MS4A6E: variants seen among roughly 807,000 people sequenced by gnomAD.
The protein encoded by MS4A6E is membrane spanning 4-domains A6E, also known as membrane-spanning 4-domains subfamily A member 6E.
In MS4A6E, 8 loss-of-function variants were observed where a neutral mutation model predicts 13.2. That is an observed-to-expected ratio of 0.60 (90% CI 0.35 to 1.09). The LOEUF (loss-of-function observed/expected upper bound fraction) is 1.09. MS4A6E is among the 50% of genes least tolerant of loss of function. The pLI, the probability that MS4A6E is intolerant of heterozygous loss-of-function variation, is 0.02. For missense variants in MS4A6E, 177 were observed against 171.1 expected, an observed-to-expected ratio of 1.03 and a Z score of -0.19; for synonymous variants, 72 against 67.6, an observed-to-expected ratio of 1.06 and a Z score of -0.32.
chr11:60,344,019 GAGTT>G (rs547395260), downstream of MS4A6E, among the ~76,000 whole-genome samples: 21 of 152,292 alleles, frequency 1.4e-4, no homozygotes, highest in Middle Eastern at 3.4e-3. Flanking sequence ...CTATTTCTTG[GAGTT>G]GGGCTTTTGC....
rs1307425703 is a variant in MS4A6E at position 60,339,891 on chromosome 11, C to G, written c.380C>G (p.Ser127Cys). The G allele has an allele frequency of 3.7e-6, 6 of 1,613,684 alleles. No individual in the cohort carries two copies. The highest frequency in any genetic ancestry group is 5.1e-6 in the Non-Finnish European group (6 of 1,179,794). Residue 127 changes from serine to cysteine, a missense_variant, in exon 4 of 5, where the codon TCT (serine) becomes TGT (cysteine). Ser to Cys is a moderately radical substitution (Grantham distance 112, BLOSUM62 -1). Transcript: ENST00000684409. ...GGAACTCTGTCTCTGATGCTGGTTT[C>G]TACTGTGTTGGAGTTCTGCCTAGCT... is the stretch of plus-strand genomic sequence containing the variant. ...LAGTLSLMLV[S>C]TVLEFCLAVL...
rs11230265 is a variant in MS4A6E at position 60,327,346 on chromosome 11, C to A, written c.-77C>A. Among the ~76,000 whole-genome samples the A allele has an allele frequency of 1.3e-5, 2 of 152,056 alleles. No individual in the cohort carries two copies. Among genetic ancestry groups the A allele is most frequent in the Admixed American group, 6.5e-5 (1 of 15,274 alleles). ...AAGATACCATCTTGGAAGCAAGCAA[C>A]GTGACCCTAAGTAGATGCTGAACCT... On this transcript the variant is annotated 5_prime_UTR_variant, in exon 1 of 5. Coordinates refer to ENST00000684409, the MANE Select transcript of MS4A6E (RefSeq NM_139249.4).
chr11:60,328,558 C>T (rs1020682440), intron 1 of MS4A6E, among the ~76,000 whole-genome samples: 1 of 147,888 alleles, frequency 6.8e-6, no homozygotes, highest in African/African-American at 2.5e-5. Flanking sequence ...CACACACACA[C>T]TCATATAATT....
chr11:60,336,899 C>T (rs537418705), intron 2 of MS4A6E, among the ~76,000 whole-genome samples: 2 of 152,216 alleles, frequency 1.3e-5, no homozygotes, highest in South Asian at 4.1e-4. Flanking sequence ...TTTATTTCCT[C>T]CACTTCATAA....
At chr11:60,335,559 G>T in intron 2 of MS4A6E, 1 of 455,938 alleles carries the variant, frequency 2.2e-6, no homozygotes, top group Non-Finnish European at 4.4e-6. Flanking sequence ...ATTGCATGAA[G>T]GGAGGAGAGA....
intron 1 of MS4A6E, among the ~76,000 whole-genome samples, chr11:60,329,138 C>A (rs1041996217): frequency 4.0e-5 from 6 of 151,420 alleles, no homozygotes; most frequent in African/African-American, 1.5e-4. Flanking sequence ...TGCTATCCCT[C>A]CCCTTGCCCC....
chr11:60,345,451 G>A (rs1590778842), downstream of MS4A6E, among the ~76,000 whole-genome samples: 5 of 152,310 alleles, frequency 3.3e-5, no homozygotes, highest in Admixed American at 3.3e-4. Flanking sequence ...GTCATTTAGA[G>A]TGGCTACTGC....
intron 1 of MS4A6E, among the ~76,000 whole-genome samples, chr11:60,332,698 T>C (rs1194617045): frequency 6.6e-6 from 1 of 152,204 alleles, no homozygotes; most frequent in African/African-American, 2.4e-5. Context: ...GTCAAAACCA[T>C]AAAACTGCTC....
chr11:60,329,148 C>T (rs1029840774), intron 1 of MS4A6E, among the ~76,000 whole-genome samples: 4 of 151,670 alleles, frequency 2.6e-5, no homozygotes, highest in African/African-American at 9.7e-5. Flanking sequence ...CCCCTTGCCC[C>T]CCACCCCCCG....
At position 60,339,837 on chromosome 11, in the gene MS4A6E, T is replaced by A. The variant is rs369438680; in HGVS notation, c.355-29T>A. On this transcript the variant is annotated intron_variant, in intron 3 of 4. Coordinates refer to ENST00000684409, the MANE Select transcript of MS4A6E (RefSeq NM_139249.4). ...ATGAAAGCTTCGGCTGACCCAAGCATCACTGATATTTTATTTCTTGACTTT... is the reference window on the plus strand; with the variant it reads ...ATGAAAGCTTCGGCTGACCCAAGCAACACTGATATTTTATTTCTTGACTTT... 200 of 1,600,966 alleles carry A rather than the reference T, an allele frequency of 1.2e-4. 1 individual carries two copies. The South Asian group carries it at 1.8e-3, about 14-fold the overall frequency.
At chr11:60,330,532 C>T (rs150591393) in intron 1 of MS4A6E, among the ~76,000 whole-genome samples, 192 of 151,426 alleles carry the variant, frequency 1.3e-3, no homozygotes, top group African/African-American at 4.1e-3. Context: ...TTAGTAGAGA[C>T]GGGGTTTCAC....
chr11:60,348,305 C>T (rs935131364), intron 4 of MS4A6E, among the ~76,000 whole-genome samples: 2 of 152,168 alleles, frequency 1.3e-5, no homozygotes, highest in Non-Finnish European at 2.9e-5. Flanking sequence ...TCTTATTCCA[C>T]TGGGTGATGC....
Position 60,339,934 on chromosome 11 carries a change from G to A in MS4A6E, c.423G>A (p.Leu141=), listed in dbSNP as rs765423311. The change falls in exon 4 of 5, where the codon CTG becomes CTA. Residue 141 remains leucine (L), a synonymous_variant. Transcript: ENST00000684409. The part of the protein sequence containing the change: ...EFCLAVLTAV[L]QWKQTV The stretch of plus-strand genomic sequence containing the variant: ...GCCTAGCTGTGCTCACTGCTGTGCT[G>A]CAGTGGAAACAGACTGTCTGACTTC... 7 of 1,613,774 alleles carry A rather than the reference G, an allele frequency of 4.3e-6. No homozygotes were observed. Among genetic ancestry groups the A allele is most frequent in the Middle Eastern group, 3.3e-4 (2 of 6,062 alleles).
rs961954492 is a variant in MS4A6E, at chr11:60,338,001, G to A, written c.354+54G>A. 18 of 1,541,822 alleles carry A rather than the reference G, an allele frequency of 1.2e-5. No homozygotes were observed. In the African/African-American group the frequency reaches 2.1e-4, roughly 18 times the overall value. ...ATTTTATGAGGTTTCTGAAAGCCTT[G>A]ATTTCTTATTATTCCATCCTTTGAA... On this transcript the variant is annotated intron_variant, in intron 3 of 4. Transcript: ENST00000684409.
In MS4A6E at chr11:60,335,315, A is replaced by G. The variant is rs1225913892; in HGVS notation, c.147+273A>G. Among the ~76,000 whole-genome samples the G allele has an allele frequency of 2.0e-5, 3 of 152,232 alleles. No individual in the cohort carries two copies. In the East Asian group the frequency reaches 5.8e-4, roughly 29 times the overall value. On this transcript the variant is annotated intron_variant, in intron 2 of 4. Transcript: ENST00000684409. ...ACAGTACTTCTCTATATTTTCTTTT[A>G]CGAAAGTAATGGTGGTAAATAATGA...
chr11:60,334,807 C>A (rs1358083125), intron 1 of MS4A6E, 75 bp from the exon 2 acceptor site: 1 of 1,518,522 alleles, frequency 6.6e-7, no homozygotes, highest in Non-Finnish European at 9.0e-7. Flanking sequence ...TTGGCAGAAA[C>A]TGACTTACCA....
chr11:60,334,316 A>G (rs1477349582), intron 1 of MS4A6E, among the ~76,000 whole-genome samples: 1 of 152,218 alleles, frequency 6.6e-6, no homozygotes. Flanking sequence ...AAAAGCTTGA[A>G]GGGCCCCTAG....
rs2085220574 is a variant in MS4A6E at position 60,340,896 on chromosome 11, C to T, written c.*130C>T. 1 of 154,850 alleles carries T rather than the reference C, an allele frequency of 6.5e-6. No homozygotes were observed. Among genetic ancestry groups the T allele is most frequent in the African/African-American group, 2.4e-5 (1 of 41,502 alleles). The allele number at this position is 154,850 out of a possible 1,614,324, so 9.6% of individuals were successfully genotyped here. A position where few individuals can be genotyped will look rare whatever the true frequency, so the allele number is the denominator to read the frequency against. ...TTTATGATAATATGGAAAACCTAAC[C>T]ATTATAAAAAAGCAAACTTGAGTTT... On this transcript the variant is annotated 3_prime_UTR_variant, in exon 5 of 5. Transcript: ENST00000684409.
At chr11:60,332,758 T>C (rs1172495551) in intron 1 of MS4A6E, among the ~76,000 whole-genome samples, 1 of 152,200 alleles carries the variant, frequency 6.6e-6, no homozygotes, top group Non-Finnish European at 1.5e-5. Context: ...TTTCAAGACA[T>C]TTTCAGATAT....
Sources: allele counts gnomAD v4.1 joint callset (sites outside exome capture counted in the v4.1 genomes callset), GRCh38; gene constraint gnomAD v4.1.1; transcripts MANE v1.5; gene names NCBI Gene and HGNC (gene_info 2026-07-23, HGNC 2026-07-21).